RYR2: variants seen among roughly 807,000 people sequenced by gnomAD.
RYR2 encodes ryanodine receptor 2.
RYR2 carries 227 observed loss-of-function variants against 601.1 expected under a neutral mutation model. The observed-to-expected ratio is 0.38, with a 90% CI of 0.34 to 0.42. The LOEUF (loss-of-function observed/expected upper bound fraction) is 0.42, where lower values mean the gene tolerates loss of function less well. RYR2 is among the 10% of genes least tolerant of loss of function. The pLI, the probability that RYR2 is intolerant of heterozygous loss-of-function variation, is 1.00. For synonymous variants in RYR2, 2,223 were observed against 2,175.1 expected (o/e 1.02, Z -0.61); for missense variants, 4,646 against 6,156.5 (o/e 0.75, Z 8.21).
intron 1 of RYR2, among the ~76,000 whole-genome samples, chr1:237,187,249 C>T (rs900669009): frequency 1.3e-5 from 2 of 151,116 alleles, no homozygotes; most frequent in African/African-American, 4.9e-5. Context: ...CAGCTCACTG[C>T]GACCTCTGCT....
intron 12 of RYR2, among the ~76,000 whole-genome samples, chr1:237,440,583 A>T (rs1416330851): frequency 1.3e-5 from 2 of 152,192 alleles, no homozygotes; most frequent in African/African-American, 4.8e-5. Flanking sequence ...CAGAGGATGG[A>T]TTGCTACTTC....
chr1:237,355,670 G>A (rs1699234069), intron 3 of RYR2, among the ~76,000 whole-genome samples: 1 of 152,124 alleles, frequency 6.6e-6, no homozygotes, highest in Non-Finnish European at 1.5e-5. Context: ...TTGAGAATTA[G>A]AGAAATGTTC....
chr1:237,117,592 C>A (rs867235697), intron 1 of RYR2, among the ~76,000 whole-genome samples: 18 of 152,124 alleles, frequency 1.2e-4, no homozygotes, highest in African/African-American at 4.1e-4. Flanking sequence ...CTTTTCTCTT[C>A]TTTTTTCTCT....
intron 1 of RYR2, among the ~76,000 whole-genome samples, chr1:237,159,423 G>A (rs1180710684): frequency 2.0e-5 from 3 of 152,176 alleles, no homozygotes; most frequent in African/African-American, 4.8e-5. Flanking sequence ...CAAATAGACA[G>A]GAGAGATGTG....
chr1:237,652,786 C>A (rs1435741089), intron 51 of RYR2, among the ~76,000 whole-genome samples: 1 of 152,014 alleles, frequency 6.6e-6, no homozygotes, highest in Non-Finnish European at 1.5e-5. Flanking sequence ...CAATAAAACT[C>A]TTTTACATTA....
chr1:237,353,124 T>C (rs979360138), intron 3 of RYR2, among the ~76,000 whole-genome samples: 1 of 152,188 alleles, frequency 6.6e-6, no homozygotes, highest in Non-Finnish European at 1.5e-5. Flanking sequence ...GCCTGCCACA[T>C]GGTAACTGCT....
At chr1:237,525,062 C>T (rs372380563) in intron 24 of RYR2, among the ~76,000 whole-genome samples, 102 of 152,168 alleles carry the variant, frequency 6.7e-4, no homozygotes, top group African/African-American at 2.4e-3. Context: ...CTAATGAACC[C>T]ATTACCTAAA....
intron 2 of RYR2, 54 bp downstream of exon 2, chr1:237,270,670 T>C: frequency 6.5e-7 from 1 of 1,537,942 alleles, no homozygotes; most frequent in South Asian, 1.2e-5. Context: ...CTAGTGGCAT[T>C]GAAGTTATTT....
rs1239573758 is a variant in RYR2 at position 237,591,086 on chromosome 1, CCTT to C, written c.4160+97_4160+99del. Reference sequence around the variant, plus strand: ...GGTCTCCTAGTGTAAATTTTTTCCTCCTTCTCCTCCTCCTCCTCCTCCTCCTCT... The same window carrying C: ...GGTCTCCTAGTGTAAATTTTTTCCTCCTCCTCCTCCTCCTCCTCCTCCTCT... On this transcript the variant is annotated intron_variant, in intron 31 of 104. Transcript: ENST00000366574. 31 of 794,806 alleles carry C rather than the reference CCTT, an allele frequency of 3.9e-5. No individual in the cohort carries two copies. In the East Asian group the frequency reaches 8.0e-4, roughly 20 times the overall value. The allele number at this position is 794,806 out of a possible 1,614,324, so 49.2% of individuals were successfully genotyped here.
At chr1:237,340,187 T>G (rs1381753496) in intron 3 of RYR2, among the ~76,000 whole-genome samples, 1 of 152,208 alleles carries the variant, frequency 6.6e-6, no homozygotes, top group Non-Finnish European at 1.5e-5. Context: ...GTAAAATCTT[T>G]GCCTATGAAA....
chr1:237,496,889 T>G lies in RYR2; in HGVS notation c.2203+137T>G, dbSNP rs537690044. On this transcript the variant is annotated intron_variant, in intron 20 of 104. Coordinates refer to ENST00000366574, the MANE Select transcript of RYR2 (RefSeq NM_001035.3). Reference sequence around the variant, plus strand: ...AGAAATTTAGCATTGAGATGATGAGTAAGAGTGTTGAGGAACAAGCAGTAT... The same window carrying G: ...AGAAATTTAGCATTGAGATGATGAGGAAGAGTGTTGAGGAACAAGCAGTAT... 2.8e-4 allele frequency: 288 copies of G among 1,044,792 alleles called. 1 individual carries two copies. The African/African-American group carries it at 4.0e-3, about 14-fold the overall frequency. 64.7% of individuals were successfully genotyped at this position (1,044,792 alleles called of 1,614,324 possible). A position where few individuals can be genotyped will look rare whatever the true frequency, so the allele number is the denominator to read the frequency against.
chr1:237,145,590 C>G (rs923383915), intron 1 of RYR2, among the ~76,000 whole-genome samples: 1 of 152,164 alleles, frequency 6.6e-6, no homozygotes, highest in Non-Finnish European at 1.5e-5. Flanking sequence ...GTTTCCTGCT[C>G]ACTGTCTGTC....
chr1:237,487,899 A>G (rs781018095), intron 17 of RYR2, among the ~76,000 whole-genome samples: 11 of 151,934 alleles, frequency 7.2e-5, no homozygotes, highest in Non-Finnish European at 1.5e-4. Context: ...TCAACTATTT[A>G]TTTATTGGAT....
At chr1:237,510,713 G>A (rs148307200) in intron 23 of RYR2, among the ~76,000 whole-genome samples, 88 of 152,330 alleles carry the variant, frequency 5.8e-4, no homozygotes, top group African/African-American at 1.9e-3. Context: ...TTCCCTGACA[G>A]CATATGGCTG....
intron 1 of RYR2, among the ~76,000 whole-genome samples, chr1:237,090,163 A>G (rs895385134): frequency 2.3e-4 from 35 of 152,088 alleles, no homozygotes; most frequent in African/African-American, 7.5e-4. Flanking sequence ...ATTACCTCCC[A>G]CTGGATCCCT....
intron 4 of RYR2, among the ~76,000 whole-genome samples, chr1:237,356,471 C>T (rs556710544): frequency 5.9e-5 from 9 of 151,616 alleles, no homozygotes; most frequent in African/African-American, 2.2e-4. Context: ...ACTATGTTGC[C>T]CAGGCTGGTC....
chr1:237,148,521 A>ATATATATATATAT (rs1417305977), intron 1 of RYR2, among the ~76,000 whole-genome samples: 9 of 44,008 alleles, frequency 2.0e-4, no homozygotes, highest in South Asian at 2.5e-3. Context: ...CAAGTAAAAA[A>ATATATATATATAT]AAAAAAATAT....
Position 237,774,875 on chromosome 1 carries a change from G to A in RYR2, c.11775+1227G>A, listed in dbSNP as rs534731323. ...AATATATTCCAAATGAAACATAACC[G>A]CCATTTCAGCTAAGAGTAGGCATTT... On this transcript the variant is annotated intron_variant, in intron 87 of 104. Transcript: ENST00000366574. Among the ~76,000 whole-genome samples, 23 of 151,994 alleles carry A rather than the reference G, an allele frequency of 1.5e-4. No homozygotes were observed. The East Asian group carries it at 1.7e-3, about 12-fold the overall frequency.
At chr1:237,201,228 T>C (rs1273842372) in intron 1 of RYR2, among the ~76,000 whole-genome samples, 1 of 152,242 alleles carries the variant, frequency 6.6e-6, no homozygotes, top group Non-Finnish European at 1.5e-5. Context: ...GAAATCAACG[T>C]CACCTGATAC....
Sources: gnomAD v4.1 joint callset for allele counts (sites outside exome capture counted in the v4.1 genomes callset) on GRCh38, gnomAD v4.1.1 for gene constraint, MANE v1.5 for transcripts, NCBI Gene and HGNC (gene_info 2026-07-23, HGNC 2026-07-21) for gene names.